The following SGCZ variants were observed in gnomAD, a reference collection of about 807,000 sequenced individuals.
The protein encoded by SGCZ is sarcoglycan zeta.
In SGCZ, 40 loss-of-function variants were observed where a neutral mutation model predicts 41.3. That is an observed-to-expected ratio of 0.97 (90% confidence interval 0.75 to 1.26). The LOEUF is 1.26. Ranked by LOEUF, SGCZ falls within the 50% of genes most tolerant of loss-of-function variation. The pLI, the probability that SGCZ is intolerant of heterozygous loss-of-function variation, is 0.00. For missense variants in SGCZ, 552 were observed against 369.8 expected (o/e 1.49, Z -4.04); for synonymous variants, 206 against 137.5 (o/e 1.50, Z -3.49).
intron 1 of SGCZ, among the ~76,000 whole-genome samples, chr8:14,941,976 A>G (rs1288291402): frequency 1.3e-5 from 2 of 151,954 alleles, no homozygotes; most frequent in African/African-American, 4.8e-5. Flanking sequence ...ACACTGTTCC[A>G]TGTATATCAT....
Position 14,324,170 on chromosome 8 carries a change from C to A in SGCZ, c.269G>T (p.Gly90Val). The stretch of plus-strand genomic sequence containing the variant: ...CTCAGATATACCTTCAAGTCGGATT[C>A]CCTTCTTGGTGACTCTCAGATTTCC... ...GMGNLRVTKK[G>V]IRLEGISEFL... Residue 90 changes from glycine (G) to valine (V), a missense_variant, in exon 3 of 8, where the codon GGA becomes GTA. By Grantham distance (109) the Gly-to-Val change is moderately radical. Coordinates refer to ENST00000382080, the MANE Select transcript of SGCZ (RefSeq NM_139167.4). 1 of 1,612,954 alleles carries A rather than the reference C, an allele frequency of 6.2e-7. No homozygotes were observed. The highest frequency in any genetic ancestry group is 1.1e-5 in the South Asian group (1 of 91,050).
chr8:15,210,474 TCA>T (rs1294170272), intron 1 of SGCZ, among the ~76,000 whole-genome samples: 1 of 116,232 alleles, frequency 8.6e-6, no homozygotes, highest in East Asian at 2.5e-4. Flanking sequence ...TTCCTTAAAG[TCA>T]CAGTCTGTTG....
intron 3 of SGCZ, among the ~76,000 whole-genome samples, chr8:14,304,377 T>G (rs1801285943): frequency 6.6e-6 from 1 of 152,116 alleles, no homozygotes; most frequent in Non-Finnish European, 1.5e-5. Context: ...AAGGATTGCT[T>G]GAGCCCATGA....
intron 2 of SGCZ, among the ~76,000 whole-genome samples, chr8:14,382,790 C>G (rs765651927): frequency 1.3e-5 from 2 of 152,122 alleles, no homozygotes; most frequent in Non-Finnish European, 2.9e-5. Flanking sequence ...TCTCTCATTC[C>G]TTTGAAAAAC....
intron 2 of SGCZ, among the ~76,000 whole-genome samples, chr8:14,343,366 G>T (rs1287617684): frequency 2.6e-5 from 4 of 152,132 alleles, no homozygotes; most frequent in Admixed American, 1.3e-4. Flanking sequence ...GCCTGGAAAA[G>T]CCACAGACAC....
chr8:14,521,034 G>A (rs938490301), intron 2 of SGCZ, among the ~76,000 whole-genome samples: 21 of 138,350 alleles, frequency 1.5e-4, no homozygotes, highest in African/African-American at 5.0e-4. Context: ...GCAGTCATAA[G>A]ATAAGAGAGA....
chr8:14,689,598 TTA>T lies in SGCZ; in HGVS notation c.40-134674_40-134673del, dbSNP rs371131894. Among the ~76,000 whole-genome samples the T allele has an allele frequency of 1.4e-3, 214 of 152,294 alleles. 2 individuals are homozygous for T. In the South Asian group the frequency reaches 0.019, roughly 13 times the overall value. The stretch of plus-strand genomic sequence containing the variant: ...TAAATTCTAGATTTAGTGAATTATA[TTA>T]TACACAAAAGTACACCTCCTTACCA... On this transcript the variant is annotated intron_variant, in intron 1 of 7. Coordinates refer to ENST00000382080, the MANE Select transcript of SGCZ (RefSeq NM_139167.4).
chr8:15,001,836 A>G (rs766205141), intron 1 of SGCZ, among the ~76,000 whole-genome samples: 1 of 151,668 alleles, frequency 6.6e-6, no homozygotes, highest in Non-Finnish European at 1.5e-5. Flanking sequence ...TTCATTTTGT[A>G]TATGTAGAAA....
chr8:14,255,807 A>G (rs1175988204), intron 3 of SGCZ, among the ~76,000 whole-genome samples: 1 of 152,144 alleles, frequency 6.6e-6, no homozygotes, highest in African/African-American at 2.4e-5. Flanking sequence ...GATTTGGCAT[A>G]AAAATGTTAC....
chr8:14,263,905 A>C (rs532939452), intron 3 of SGCZ, among the ~76,000 whole-genome samples: 9 of 152,338 alleles, frequency 5.9e-5, no homozygotes, highest in African/African-American at 2.2e-4. Flanking sequence ...TTTGGCGTGG[A>C]GTCCCGTGCC....
At chr8:15,087,180 A>G (rs1805980597) in intron 1 of SGCZ, among the ~76,000 whole-genome samples, 1 of 152,108 alleles carries the variant, frequency 6.6e-6, no homozygotes, top group African/African-American at 2.4e-5. Context: ...AAGGTACCCA[A>G]CACATAACCA....
At chr8:14,996,325 A>G (rs1202875127) in intron 1 of SGCZ, among the ~76,000 whole-genome samples, 1 of 152,242 alleles carries the variant, frequency 6.6e-6, no homozygotes, top group African/African-American at 2.4e-5. Flanking sequence ...TTAACCATGC[A>G]CCCTGACAAC....
chr8:14,257,441 T>C (rs577656627), intron 3 of SGCZ, among the ~76,000 whole-genome samples: 7 of 152,114 alleles, frequency 4.6e-5, no homozygotes, highest in Admixed American at 4.6e-4. Flanking sequence ...TGCAGCATTC[T>C]TTCTTTTTTT....
At chr8:14,793,141 T>C (rs1189243416) in intron 1 of SGCZ, among the ~76,000 whole-genome samples, 1 of 152,194 alleles carries the variant, frequency 6.6e-6, no homozygotes, top group Non-Finnish European at 1.5e-5. Flanking sequence ...AACTCTAGTC[T>C]CTCTTTCCTT....
intron 1 of SGCZ, among the ~76,000 whole-genome samples, chr8:14,613,065 G>A (rs926579108): frequency 1.3e-5 from 2 of 152,182 alleles, no homozygotes; most frequent in South Asian, 2.1e-4. Flanking sequence ...GAGAGCACAA[G>A]AGGGAGGCTG....
At chr8:15,087,343 C>T (rs1390755588) in intron 1 of SGCZ, among the ~76,000 whole-genome samples, 1 of 152,064 alleles carries the variant, frequency 6.6e-6, no homozygotes, top group Non-Finnish European at 1.5e-5. Flanking sequence ...CTGTGTACAT[C>T]TCAGCACAGT....
At chr8:15,055,172 T>A (rs1282050434) in intron 1 of SGCZ, among the ~76,000 whole-genome samples, 1 of 152,116 alleles carries the variant, frequency 6.6e-6, no homozygotes, top group African/African-American at 2.4e-5. Flanking sequence ...TCTCTAACCA[T>A]GACTTGCTGT....
chr8:14,705,961 A>G (rs576283511), intron 1 of SGCZ, among the ~76,000 whole-genome samples: 1 of 152,160 alleles, frequency 6.6e-6, no homozygotes, highest in South Asian at 2.1e-4. Context: ...GTTATCCCAT[A>G]ATTATTTGTT....
chr8:15,013,177 T>C (rs1361056075), intron 1 of SGCZ, among the ~76,000 whole-genome samples: 1 of 152,198 alleles, frequency 6.6e-6, no homozygotes, highest in African/African-American at 2.4e-5. Flanking sequence ...GATTATTTGA[T>C]GTACAGATAT....
Sources: gnomAD v4.1 joint callset for allele counts (sites outside exome capture counted in the v4.1 genomes callset) on GRCh38, gnomAD v4.1.1 for gene constraint, MANE v1.5 for transcripts, NCBI Gene and HGNC (gene_info 2026-07-23, HGNC 2026-07-21) for gene names.